The following BAZ1B variants were observed in gnomAD, a reference collection of about 807,000 sequenced individuals.
BAZ1B encodes tyrosine-protein kinase BAZ1B.
Under a neutral mutation model 153.8 loss-of-function variants are expected in BAZ1B, and 22 were observed. The observed-to-expected ratio is 0.14, with a 90% CI of 0.10 to 0.20. The LOEUF (loss-of-function observed/expected upper bound fraction) is 0.20, where lower values mean the gene tolerates loss of function less well. Among genes scored for constraint, BAZ1B ranks in the 10% least tolerant of loss-of-function variants. The probability of loss-of-function intolerance (pLI) is 1.00; values close to 1 mark genes in which losing one functional copy is unlikely to be tolerated. For synonymous variants in BAZ1B, 676 were observed against 633.4 expected, an observed-to-expected ratio of 1.07 and a Z score of -1.01; for missense variants, 1,325 against 1,799.3, an observed-to-expected ratio of 0.74 and a Z score of 4.77.
intron 13 of BAZ1B, among the ~76,000 whole-genome samples, chr7:73,458,247 TAG>T (rs1285182314): frequency 2.6e-5 from 4 of 152,182 alleles, no homozygotes; most frequent in Admixed American, 2.0e-4. Context: ...AGCAGAGAAC[TAG>T]AGAGTTGCTT....
chr7:73,459,118 C>T (rs549067617), intron 13 of BAZ1B, among the ~76,000 whole-genome samples: 34 of 151,454 alleles, frequency 2.2e-4, no homozygotes, highest in Middle Eastern at 3.4e-3. Context: ...CGTGGTGGCA[C>T]GCACCTGTAG....
intron 11 of BAZ1B, among the ~76,000 whole-genome samples, chr7:73,463,812 A>G (rs1385435215): frequency 6.6e-6 from 1 of 151,938 alleles, no homozygotes; most frequent in African/African-American, 2.4e-5. Context: ...GGTTCAAGCA[A>G]TTCTCCTGCC....
chr7:73,497,290 G>C (rs1460687789), intron 4 of BAZ1B, among the ~76,000 whole-genome samples: 1 of 152,088 alleles, frequency 6.6e-6, no homozygotes, highest in East Asian at 1.9e-4. Flanking sequence ...TTACTAGAGA[G>C]ATGAACTAGC....
chr7:73,460,589 A>C (rs1390828256), intron 12 of BAZ1B, among the ~76,000 whole-genome samples: 4 of 152,102 alleles, frequency 2.6e-5, no homozygotes, highest in East Asian at 1.9e-4. Context: ...GACTCAAGTG[A>C]TCCTCCTGCC....
intron 7 of BAZ1B, among the ~76,000 whole-genome samples, chr7:73,471,446 T>TA (rs1476373224): frequency 6.6e-6 from 1 of 152,232 alleles, no homozygotes; most frequent in Non-Finnish European, 1.5e-5. Flanking sequence ...AGTTTTTCCA[T>TA]AATTGTCACA....
intron 6 of BAZ1B, among the ~76,000 whole-genome samples, chr7:73,486,055 T>C (rs1554574447): frequency 6.6e-6 from 1 of 152,204 alleles, no homozygotes; most frequent in Non-Finnish European, 1.5e-5. Flanking sequence ...CAAATGTCAG[T>C]GGCATTTTTC....
intron 3 of BAZ1B, among the ~76,000 whole-genome samples, chr7:73,500,395 C>T (rs1395328250): frequency 6.6e-6 from 1 of 151,542 alleles, no homozygotes; most frequent in Non-Finnish European, 1.5e-5. Context: ...AAAAAATTTG[C>T]CAGGCGAGGA....
chr7:73,442,136 T>TACCAAACCC, intron 19 of BAZ1B, 45 bp downstream of exon 19: 1 of 573,492 alleles, frequency 1.7e-6, no homozygotes. Flanking sequence ...CTCGCTCGCC[T>TACCAAACCC]CCCTCCCACC....
In BAZ1B at chr7:73,474,781, A is replaced by C. The variant is rs188953730; in HGVS notation, c.2593+2087T>G. Among the ~76,000 whole-genome samples, 609 of 152,292 alleles carry C rather than the reference A, an allele frequency of 4.0e-3. 2 individuals are homozygous for C. The highest frequency in any genetic ancestry group is 6.8e-3 in the Middle Eastern group (2 of 294). The stretch of plus-strand genomic sequence containing the variant: ...AAAAGAGCGCAACTCCGTCTCCCCC[A>C]AAAAAAGTAAAAGGACAACACGCAA... On this transcript the variant is annotated intron_variant, in intron 7 of 19. Transcript: ENST00000339594.
intron 15 of BAZ1B, 96 bp from the exon 16 acceptor site, chr7:73,447,475 A>G (rs1787881410): frequency 3.6e-6 from 5 of 1,388,832 alleles, no homozygotes; most frequent in Non-Finnish European, 4.9e-6. Flanking sequence ...ACTTCTCTTC[A>G]CAGACTACAT....
intron 1 of BAZ1B, among the ~76,000 whole-genome samples, chr7:73,516,487 T>C (rs972952917): frequency 1.3e-5 from 2 of 152,044 alleles, no homozygotes; most frequent in Admixed American, 6.6e-5. Flanking sequence ...CTAGTCAAAC[T>C]GATTATAAAA....
At chr7:73,444,937 C>T (rs1456294060) in intron 16 of BAZ1B, among the ~76,000 whole-genome samples, 1 of 152,102 alleles carries the variant, frequency 6.6e-6, no homozygotes, top group Non-Finnish European at 1.5e-5. Context: ...TCGCTTGAAC[C>T]TGGGAGGCGG....
chr7:73,489,379 C>T lies in BAZ1B; in HGVS notation c.706G>A (p.Val236Met). Residue 236 changes from valine (V) to methionine (M), a missense_variant, in exon 6 of 20, where the codon GTG becomes ATG. Physicochemically the swap from Val to Met is conservative, Grantham distance 21. Around this residue, in one of 9 missense-constraint regions of BAZ1B, gnomAD observed 153 missense variants for 204.8 expected, o/e 0.75. Transcript: ENST00000339594. ...LQNEDKIISN[V>M]PADSLIRTER... ...GTACGAATCAAGCTGTCTGCTGGCA[C>T]GTTACTGATGATCTAGGTTAAAAAG... 1 of 1,614,132 alleles carries T rather than the reference C, an allele frequency of 6.2e-7. No homozygotes were observed. Among genetic ancestry groups the T allele is most frequent in the Non-Finnish European group, 8.5e-7 (1 of 1,180,028 alleles).
At chr7:73,481,931 C>T (rs1436749711) in intron 6 of BAZ1B, among the ~76,000 whole-genome samples, 3 of 152,076 alleles carry the variant, frequency 2.0e-5, no homozygotes, top group Non-Finnish European at 2.9e-5. Context: ...CCCAGTTACT[C>T]GGGAAGCTGA....
At chr7:73,451,938 G>A (rs892404839) in intron 13 of BAZ1B, among the ~76,000 whole-genome samples, 3 of 152,178 alleles carry the variant, frequency 2.0e-5, no homozygotes, top group South Asian at 2.1e-4. Context: ...AAAAGTGCTT[G>A]AGAACTGGCA....
At chr7:73,481,848 T>C (rs1554573739) in intron 6 of BAZ1B, among the ~76,000 whole-genome samples, 1 of 151,894 alleles carries the variant, frequency 6.6e-6, no homozygotes, top group African/African-American at 2.4e-5. Context: ...CCATCCTGGC[T>C]AACACAGTGA....
intron 12 of BAZ1B, among the ~76,000 whole-genome samples, chr7:73,460,579 G>A (rs1788362460): frequency 6.6e-6 from 1 of 152,112 alleles, no homozygotes; most frequent in African/African-American, 2.4e-5. Context: ...TGAACTCCCA[G>A]ACTCAAGTGA....
chr7:73,466,069 A>G (rs1202634576), intron 10 of BAZ1B, among the ~76,000 whole-genome samples: 1 of 152,232 alleles, frequency 6.6e-6, no homozygotes, highest in Non-Finnish European at 1.5e-5. Flanking sequence ...ATACAAAGTT[A>G]TATTACAGGG....
At chr7:73,493,628 T>A (rs114758391) in intron 4 of BAZ1B, among the ~76,000 whole-genome samples, 50 of 150,908 alleles carry the variant, frequency 3.3e-4, no homozygotes, top group African/African-American at 1.2e-3. Context: ...ATCCCCTGAG[T>A]CCAGGAGTTC....
Sources: gnomAD v4.1 joint callset for allele counts (sites outside exome capture counted in the v4.1 genomes callset) on GRCh38, gnomAD v4.1.1 for gene constraint, gnomAD v4.1.1 regional missense constraint, MANE v1.5 for transcripts, NCBI Gene and HGNC (gene_info 2026-07-23, HGNC 2026-07-21) for gene names.